NECTIN1: variants seen among roughly 807,000 people sequenced by gnomAD.
The protein encoded by NECTIN1 is nectin cell adhesion molecule 1.
A neutral mutation model predicts 48.0 loss-of-function variants in NECTIN1; 23 were observed. The observed-to-expected ratio is 0.48, with a 90% confidence interval of 0.34 to 0.68. The LOEUF is 0.68. Ranked by LOEUF, NECTIN1 falls within the 30% of genes least tolerant of loss-of-function variation. NECTIN1 has a pLI of 0.01. For synonymous variants in NECTIN1, 270 were observed against 288.9 expected (o/e 0.93, Z 0.66); for missense variants, 591 against 709.9 (o/e 0.83, Z 1.90).
rs149093951 is a variant in NECTIN1, at chr11:119,677,786, G to A, written c.502C>T (p.Leu168=). The A allele has an allele frequency of 8.1e-5, 131 of 1,614,012 alleles. No homozygotes were observed. The highest frequency in any genetic ancestry group is 9.7e-5 in the Non-Finnish European group (115 of 1,179,998). Residue 168 remains leucine (L), a synonymous_variant, in exon 3 of 6, where the codon CTG becomes TTG. Transcript: ENST00000264025. This position sits in a 1 kb window ranked among gnomAD's most constrained non-coding sequence, Gnocchi z 5.4. ...TTGGCTGAGGTGCAGGTGGCCACCA[G>A]GACCTTGTCATCCTGCCCCTTCTTG... The part of the protein sequence containing the change: ...RAKKGQDDKV[L]VATCTSANGK...
At chr11:119,726,663 A>T (rs1334401240) in intron 1 of NECTIN1, among the ~76,000 whole-genome samples, 1 of 152,144 alleles carries the variant, frequency 6.6e-6, no homozygotes, top group Non-Finnish European at 1.5e-5. Flanking sequence ...AAGGAATCAC[A>T]AAGCTGGGGA....
chr11:119,638,505 G>A (rs562865592), intron 7 of NECTIN1, among the ~76,000 whole-genome samples: 1 of 152,316 alleles, frequency 6.6e-6, no homozygotes, highest in East Asian at 1.9e-4. Context: ...AGGACTGTGA[G>A]GTAGAGGAAG....
At chr11:119,644,483 C>T (rs913911341) in intron 5 of NECTIN1, among the ~76,000 whole-genome samples, 2 of 152,204 alleles carry the variant, frequency 1.3e-5, no homozygotes, top group Non-Finnish European at 2.9e-5. Flanking sequence ...TCCAGCTTCA[C>T]GGCGTGCTCC....
At chr11:119,674,210 C>T (rs1864907609) in intron 5 of NECTIN1, among the ~76,000 whole-genome samples, 1 of 152,154 alleles carries the variant, frequency 6.6e-6, no homozygotes, top group Non-Finnish European at 1.5e-5. Flanking sequence ...CTTCCTATAT[C>T]TCAGTCACAG....
At chr11:119,674,306 G>A in intron 5 of NECTIN1, 3 of 1,304,502 alleles carry the variant, frequency 2.3e-6, no homozygotes, top group Non-Finnish European at 3.0e-6. Context: ...CGCTCCCCAT[G>A]TGAAGTTGTG....
In NECTIN1 at chr11:119,640,337, C is replaced by T. The variant is rs1864305913; in HGVS notation, c.1004-325G>A. 1.2e-5 allele frequency: 5 copies of T among 401,510 alleles called. No individual in the cohort carries two copies. In the East Asian group the frequency reaches 2.1e-4, roughly 17 times the overall value. 24.9% of individuals were successfully genotyped at this position (401,510 alleles called of 1,614,324 possible). On this transcript the variant is annotated intron_variant, in intron 5 of 7. Transcript: ENST00000341398. ...GGGTCCCCACCCCGTCATTCCATTT[C>T]TGGCCCTGCAGGGAAGATTCCTGTT...
At chr11:119,703,576 C>T (rs1865491771) in intron 1 of NECTIN1, among the ~76,000 whole-genome samples, 1 of 152,202 alleles carries the variant, frequency 6.6e-6, no homozygotes, top group Admixed American at 6.5e-5. Context: ...AACCTACTTG[C>T]TGTACAGATA....
rs148277107 is a variant in NECTIN1, at chr11:119,692,389, C to T, written c.80-13624G>A. On this transcript the variant is annotated intron_variant, in intron 1 of 5. Coordinates refer to ENST00000264025, the MANE Select transcript of NECTIN1 (RefSeq NM_002855.5). ...TCTGTGCAGAGGGGCCCCTGAAAGC[C>T]GAGAAGTGGCTTGTGGCAGTGATGT... 8.1e-3 allele frequency among the ~76,000 whole-genome samples: 1,225 copies of T among 150,932 alleles called. 16 individuals carry two copies. Among genetic ancestry groups the T allele is most frequent in the Middle Eastern group, 0.014 (4 of 290 alleles).
chr11:119,696,815 C>A lies in NECTIN1; in HGVS notation c.80-18050G>T, dbSNP rs185998065. The stretch of plus-strand genomic sequence containing the variant: ...AGGCCCCGGAAAGCAGGACTGCAGG[C>A]GGCATAGGGGCGGATGGGGCGAGGC... On this transcript the variant is annotated intron_variant, in intron 1 of 5. Coordinates refer to ENST00000264025, the MANE Select transcript of NECTIN1 (RefSeq NM_002855.5). Among the ~76,000 whole-genome samples, 8 of 152,302 alleles carry A rather than the reference C, an allele frequency of 5.3e-5. No individual in the cohort carries two copies. In the East Asian group the frequency reaches 1.4e-3, roughly 26 times the overall value.
intron 5 of NECTIN1, among the ~76,000 whole-genome samples, chr11:119,647,234 C>A (rs1448626911): frequency 8.7e-6 from 1 of 115,196 alleles, no homozygotes; most frequent in Non-Finnish European, 1.8e-5. Context: ...ACTGTGACCC[C>A]CTTTGGAAAG....
Position 119,664,810 on chromosome 11 carries a change from C to A in NECTIN1, c.1491G>T (p.Leu497Phe), listed in dbSNP as rs549511537. Reference sequence around the variant, plus strand: ...CGTTCTGAGAAACCATGTTCTCAGCCAAGTCCAGCTGCTCAGGGTCGTACT... The same window carrying A: ...CGTTCTGAGAAACCATGTTCTCAGCAAAGTCCAGCTGCTCAGGGTCGTACT... The part of the protein sequence containing the change: ...GYQYDPEQLD[L>F]AENMVSQNDG... Residue 497 changes from leucine to phenylalanine, a missense_variant, in exon 6 of 6, where the codon TTG becomes TTT. By Grantham distance (22) the Leu-to-Phe change is conservative. Coordinates refer to ENST00000264025, the MANE Select transcript of NECTIN1 (RefSeq NM_002855.5). 1 of 1,613,772 alleles carries A rather than the reference C, an allele frequency of 6.2e-7. No homozygotes were observed. The highest frequency in any genetic ancestry group is 1.1e-5 in the South Asian group (1 of 91,022).
intron 5 of NECTIN1, among the ~76,000 whole-genome samples, chr11:119,653,410 T>G (rs1320318427): frequency 1.3e-5 from 2 of 152,188 alleles, no homozygotes; most frequent in African/African-American, 4.8e-5. Flanking sequence ...TTCCTGCAGC[T>G]GGCCTCAGTG....
At chr11:119,638,161 C>T (rs752458542) in exon 8 of NECTIN1, 19 of 1,613,826 alleles carry the variant, frequency 1.2e-5, no homozygotes, top group South Asian at 5.5e-5. Context: ...GGGAGACCCC[C>T]AGATCATAGT....
Position 119,677,916 on chromosome 11 carries a change from G to A in NECTIN1, c.431-59C>T, listed in dbSNP as rs1370947170. On this transcript the variant is annotated intron_variant, in intron 2 of 5. Transcript: ENST00000264025. The surrounding 1 kb of genome is among the most constrained non-coding windows in gnomAD (Gnocchi z 5.4). ...CCTGTTGACTTGTCCAAGATGCACC[G>A]GCCAAAAGGGCGTGGCATCCGTCAG... is the stretch of plus-strand genomic sequence containing the variant. 1.1e-4 allele frequency: 172 copies of A among 1,551,134 alleles called. No homozygotes were observed. The highest frequency in any genetic ancestry group is 1.9e-4 in the African/African-American group (14 of 73,638).
downstream of NECTIN1, among the ~76,000 whole-genome samples, chr11:119,660,212 G>A (rs202224383): frequency 8.9e-6 from 1 of 112,720 alleles, no homozygotes; most frequent in Non-Finnish European, 1.7e-5. Context: ...TACTGGGTGC[G>A]GGGGGTGACG....
At chr11:119,651,958 A>C (rs113056814) in intron 5 of NECTIN1, among the ~76,000 whole-genome samples, 118 of 152,240 alleles carry the variant, frequency 7.8e-4, no homozygotes, top group African/African-American at 2.8e-3. Flanking sequence ...GGCCTTGCTC[A>C]AGGTCACCTG....
chr11:119,725,346 G>C (rs1591492583), intron 1 of NECTIN1, among the ~76,000 whole-genome samples: 1 of 152,128 alleles, frequency 6.6e-6, no homozygotes, highest in East Asian at 1.9e-4. Flanking sequence ...AGGCAACAAG[G>C]GCTACCTGTC....
intron 5 of NECTIN1, among the ~76,000 whole-genome samples, chr11:119,669,798 C>T (rs1446899003): frequency 7.9e-5 from 12 of 152,118 alleles, no homozygotes. Context: ...CACTCCTTTA[C>T]TCTCTTTGGG....
chr11:119,662,566 A>G lies in NECTIN1; in HGVS notation c.*2181T>C. Reference sequence around the variant, plus strand: ...GGGGAATAGAGGGTGGCAGTGCAGGATAAAGGAGATGCAGGAGGAGACAGG... The same window carrying G: ...GGGGAATAGAGGGTGGCAGTGCAGGGTAAAGGAGATGCAGGAGGAGACAGG... On this transcript the variant is annotated 3_prime_UTR_variant, in exon 6 of 6. Transcript: ENST00000264025. This position sits in a 1 kb window ranked among gnomAD's most constrained non-coding sequence, Gnocchi z 5.3. 1.0e-6 allele frequency: 1 copy of G among 985,716 alleles called. No homozygotes were observed. The highest frequency in any genetic ancestry group is 1.2e-6 in the Non-Finnish European group (1 of 830,008). The allele number at this position is 985,716 out of a possible 1,614,324, so 61.1% of individuals were successfully genotyped here.
Sources: gnomAD v4.1 joint callset for allele counts (sites outside exome capture counted in the v4.1 genomes callset) on GRCh38, gnomAD v4.1.1 for gene constraint, Gnocchi (gnomAD v3.1) non-coding constraint, MANE v1.5 for transcripts, NCBI Gene and HGNC (gene_info 2026-07-23, HGNC 2026-07-21) for gene names.